PCDH11X: variants seen among roughly 807,000 people sequenced by gnomAD.
PCDH11X encodes protocadherin 11 X-linked.
Under a neutral mutation model 53.3 loss-of-function variants are expected in PCDH11X, and 18 were observed. That is an observed-to-expected ratio of 0.34 (90% CI 0.23 to 0.50). The LOEUF (loss-of-function observed/expected upper bound fraction) is 0.50. Ranked by LOEUF, PCDH11X falls within the 20% of genes least tolerant of loss-of-function variation. PCDH11X has a pLI of 0.98. For missense variants in PCDH11X, 570 were observed against 1,032.4 expected (o/e 0.55, Z 6.14); for synonymous variants, 279 against 393.3 (o/e 0.71, Z 3.44).
intron 10 of PCDH11X, among the ~76,000 whole-genome samples, chrX:92,500,603 C>T (rs2073943552): frequency 9.1e-6 from 1 of 109,758 alleles, no homozygotes; most frequent in South Asian, 3.9e-4. Context: ...AAGCACACAG[C>T]TATTTGCTCC....
chrX:92,490,527 A>G (rs2073737218), intron 10 of PCDH11X, among the ~76,000 whole-genome samples: 1 of 110,407 alleles, frequency 9.1e-6, no homozygotes. Context: ...ATGATCCTGA[A>G]AGATCTTTGC....
intron 9 of PCDH11X, among the ~76,000 whole-genome samples, chrX:92,456,439 T>C (rs1178926390): frequency 9.0e-6 from 1 of 111,396 alleles, no homozygotes; most frequent in Non-Finnish European, 1.9e-5. Flanking sequence ...GTATTAAAGA[T>C]TTATATCTCC....
intron 7 of PCDH11X, among the ~76,000 whole-genome samples, chrX:92,262,037 A>G (rs1423429573): frequency 1.8e-5 from 2 of 111,401 alleles, no homozygotes; most frequent in African/African-American, 6.5e-5. Flanking sequence ...GTTTGTGCCT[A>G]TATCTGAATG....
intron 7 of PCDH11X, among the ~76,000 whole-genome samples, chrX:92,246,947 T>C (rs2148392460): frequency 9.0e-6 from 1 of 111,725 alleles, no homozygotes; most frequent in Non-Finnish European, 1.9e-5. Flanking sequence ...TATGTTGTTG[T>C]TATTCCAATT....
At chrX:92,375,780 C>G (rs989328997) in intron 8 of PCDH11X, among the ~76,000 whole-genome samples, 1 of 108,045 alleles carries the variant, frequency 9.3e-6, no homozygotes, top group South Asian at 4.2e-4. Flanking sequence ...CCCGCCACCA[C>G]GCCCGGCTAA....
intron 10 of PCDH11X, among the ~76,000 whole-genome samples, chrX:92,566,156 T>C (rs754350247): frequency 0.031 from 3,434 of 109,049 alleles, 151 homozygotes; most frequent in African/African-American, 0.11. Flanking sequence ...CATTACCAAG[T>C]AGTCGGCTCT....
intron 6 of PCDH11X, among the ~76,000 whole-genome samples, chrX:91,931,509 A>AT (rs1171173329): frequency 9.0e-6 from 1 of 110,826 alleles, no homozygotes; most frequent in Non-Finnish European, 1.9e-5. Flanking sequence ...AAAGCAAAGG[A>AT]TATGTGGACA....
intron 8 of PCDH11X, among the ~76,000 whole-genome samples, chrX:92,384,162 A>C (rs1423011109): frequency 9.0e-6 from 1 of 110,619 alleles, no homozygotes. Flanking sequence ...CCCACTTTTT[A>C]ATGGGGTTGT....
intron 5 of PCDH11X, among the ~76,000 whole-genome samples, chrX:91,872,070 T>C (rs1463942412): frequency 9.0e-6 from 1 of 110,786 alleles, no homozygotes. Flanking sequence ...TCTTCCCTGA[T>C]TTTTGTTTTC....
chrX:92,282,765 G>T (rs887291231), intron 8 of PCDH11X, among the ~76,000 whole-genome samples: 4 of 111,201 alleles, frequency 3.6e-5, no homozygotes, highest in African/African-American at 1.3e-4. Context: ...CTTCCCTAGA[G>T]TATATTAGTT....
At chrX:92,148,069 T>TCCCTTCCTTCCTTC in intron 6 of PCDH11X, among the ~76,000 whole-genome samples, 1 of 8,544 alleles carries the variant, frequency 1.2e-4, no homozygotes, top group African/African-American at 5.3e-4. Flanking sequence ...TTTCTTTCTT[T>TCCCTTCCTTCCTTC]CTTTCTTTCT....
At chrX:92,091,248 A>G (rs752370894) in intron 6 of PCDH11X, among the ~76,000 whole-genome samples, 1 of 110,887 alleles carries the variant, frequency 9.0e-6, no homozygotes, top group East Asian at 2.9e-4. Context: ...TTTTGAACCA[A>G]CCTAATACAA....
chrX:92,140,077 T>C (rs72605189), intron 6 of PCDH11X, among the ~76,000 whole-genome samples: 1 of 105,627 alleles, frequency 9.5e-6, no homozygotes, highest in African/African-American at 3.3e-5. Context: ...TAGACATAAA[T>C]AAACAATATT....
At chrX:91,816,979 G>T (rs1177182259) in intron 4 of PCDH11X, among the ~76,000 whole-genome samples, 1 of 105,613 alleles carries the variant, frequency 9.5e-6, no homozygotes, top group Non-Finnish European at 1.9e-5. Flanking sequence ...TCTGTATAAG[G>T]ATTATGATGG....
At chrX:91,794,052 TA>T (rs1393786286) in intron 1 of PCDH11X, among the ~76,000 whole-genome samples, 2 of 112,076 alleles carry the variant, frequency 1.8e-5, no homozygotes, top group Non-Finnish European at 3.8e-5. Context: ...CTTAAAAATA[TA>T]AATGATGACA....
intron 10 of PCDH11X, among the ~76,000 whole-genome samples, chrX:92,554,021 CT>C (rs1208761182): frequency 9.1e-6 from 1 of 109,764 alleles, no homozygotes; most frequent in Non-Finnish European, 1.9e-5. Flanking sequence ...TAGATCTTCA[CT>C]GTTAATCAAC....
intron 10 of PCDH11X, among the ~76,000 whole-genome samples, chrX:92,603,012 ATAAG>A (rs1483213204): frequency 9.7e-6 from 1 of 103,336 alleles, no homozygotes; most frequent in African/African-American, 3.7e-5. Context: ...CTCTGCTTAA[ATAAG>A]TAAAGGAAGG....
intron 6 of PCDH11X, among the ~76,000 whole-genome samples, chrX:91,903,556 A>AT (rs1401021468): frequency 1.8e-5 from 2 of 109,042 alleles, no homozygotes; most frequent in Non-Finnish European, 3.8e-5. Flanking sequence ...AAATTCATTC[A>AT]TATTTTTTTA....
chrX:92,495,742 G>A (rs773420357), intron 10 of PCDH11X, among the ~76,000 whole-genome samples: 10 of 106,942 alleles, frequency 9.4e-5, no homozygotes, highest in Admixed American at 3.0e-4. Context: ...AAGGCAAAAG[G>A]CACTTCTTAC....
Sources: gnomAD v4.1 joint callset for allele counts (sites outside exome capture counted in the v4.1 genomes callset) on GRCh38, gnomAD v4.1.1 for gene constraint, MANE v1.5 for transcripts, NCBI Gene and HGNC (gene_info 2026-07-23, HGNC 2026-07-21) for gene names.